Variants in FAM185A observed in about 807,000 individuals in gnomAD.
FAM185A encodes family with sequence similarity 185 member A.
FAM185A carries 21 observed loss-of-function variants against 45.7 expected under a neutral mutation model. The observed-to-expected ratio is 0.46, with a 90% CI of 0.33 to 0.66. FAM185A has a LOEUF of 0.66. Among genes scored for constraint, FAM185A ranks in the 30% least tolerant of loss-of-function variants. FAM185A has a pLI of 0.03. For missense variants in FAM185A, 305 were observed against 485.4 expected (o/e 0.63, Z 3.49); for synonymous variants, 117 against 194.0 (o/e 0.60, Z 3.30).
At chr7:102,779,109 A>G (rs1258758381) in intron 6 of FAM185A, among the ~76,000 whole-genome samples, 1 of 152,168 alleles carries the variant, frequency 6.6e-6, no homozygotes, top group Non-Finnish European at 1.5e-5. Context: ...GAAAATCACT[A>G]ATTTTAACAT....
the FAM185A span, among the ~76,000 whole-genome samples, chr7:102,824,442 C>T: frequency 6.6e-6 from 1 of 152,270 alleles, no homozygotes; most frequent in African/African-American, 2.4e-5. Context: ...TCATTCCTAT[C>T]CCCATTAACA....
At position 102,755,411 on chromosome 7, in the gene FAM185A, G is replaced by A. The variant is rs1487530284; in HGVS notation, c.562-2443G>A. 21 of 598,674 alleles carry A rather than the reference G, an allele frequency of 3.5e-5. No individual in the cohort carries two copies. In the East Asian group the frequency reaches 5.9e-4, roughly 17 times the overall value. 37.1% of individuals were successfully genotyped at this position (598,674 alleles called of 1,614,324 possible). On this transcript the variant is annotated intron_variant, in intron 2 of 7. Coordinates refer to ENST00000413034, the MANE Select transcript of FAM185A (RefSeq NM_001145268.2). ...AACCAGTTCACCCAGGCCCTGGAAG[G>A]CCAAACAGCTACTCAGCTGCTTAAG... is the stretch of plus-strand genomic sequence containing the variant.
chr7:102,789,990 AAC>A (rs1268269646), intron 7 of FAM185A, among the ~76,000 whole-genome samples: 2 of 152,334 alleles, frequency 1.3e-5, no homozygotes, highest in South Asian at 2.1e-4. Context: ...CAGGGGAAAT[AAC>A]ACACGTGGAG....
At chr7:102,786,517 T>C (rs924179078) in intron 6 of FAM185A, among the ~76,000 whole-genome samples, 12 of 152,250 alleles carry the variant, frequency 7.9e-5, no homozygotes, top group Admixed American at 3.9e-4. Flanking sequence ...GATGAGTTCA[T>C]GTCCTTCGTA....
At chr7:102,775,744 T>G (rs1333287000) in intron 5 of FAM185A, among the ~76,000 whole-genome samples, 2 of 152,162 alleles carry the variant, frequency 1.3e-5, no homozygotes, top group Non-Finnish European at 2.9e-5. Flanking sequence ...AATACACACC[T>G]TGTGTATTAC....
intron 7 of FAM185A, among the ~76,000 whole-genome samples, chr7:102,801,592 T>C (rs1174137106): frequency 6.6e-5 from 10 of 152,164 alleles, no homozygotes; most frequent in African/African-American, 2.2e-4. Context: ...GTAGCTATTA[T>C]ATCAGAAAAA....
At chr7:102,838,591 C>A in the FAM185A span, among the ~76,000 whole-genome samples, 1 of 152,084 alleles carries the variant, frequency 6.6e-6, no homozygotes, top group Non-Finnish European at 1.5e-5. Context: ...GACCTGTACC[C>A]TGAACAATTG....
chr7:102,803,127 A>G (rs1287308214), intron 7 of FAM185A, among the ~76,000 whole-genome samples: 2 of 152,264 alleles, frequency 1.3e-5, no homozygotes, highest in Middle Eastern at 3.4e-3. Flanking sequence ...TACCAATCCT[A>G]TTGACACTAT....
intron 6 of FAM185A, among the ~76,000 whole-genome samples, chr7:102,786,324 T>C (rs1385997451): frequency 2.0e-5 from 3 of 152,228 alleles, no homozygotes; most frequent in Admixed American, 6.5e-5. Context: ...AGCAATCCCA[T>C]TACTGGGTAT....
the FAM185A span, among the ~76,000 whole-genome samples, chr7:102,831,012 G>A: frequency 1.3e-5 from 2 of 152,116 alleles, no homozygotes; most frequent in African/African-American, 4.8e-5. Context: ...TCTATTGTAA[G>A]CTTCAATGAA....
the FAM185A span, among the ~76,000 whole-genome samples, chr7:102,817,439 C>T: frequency 6.6e-6 from 1 of 152,094 alleles, no homozygotes; most frequent in Non-Finnish European, 1.5e-5. Context: ...TTTTTGCCCA[C>T]TTTTTAATGG....
At chr7:102,771,988 A>G (rs2129436523) in intron 4 of FAM185A, among the ~76,000 whole-genome samples, 1 of 150,316 alleles carries the variant, frequency 6.7e-6, no homozygotes. Context: ...GGCCTGAAAA[A>G]TAAAAGTAAT....
intron 2 of FAM185A, chr7:102,755,275 G>T: frequency 3.8e-6 from 2 of 524,830 alleles, no homozygotes; most frequent in African/African-American, 3.9e-5. Flanking sequence ...CATTGGACAG[G>T]ACATCCAGCC....
chr7:102,842,215 T>G, the FAM185A span, among the ~76,000 whole-genome samples: 3 of 152,234 alleles, frequency 2.0e-5, no homozygotes, highest in Non-Finnish European at 4.4e-5. Flanking sequence ...AAAGTCATTT[T>G]GGAAAGGAGT....
chr7:102,766,986 G>T (rs60874611), intron 4 of FAM185A, among the ~76,000 whole-genome samples: 12,872 of 151,950 alleles, frequency 0.085, 618 homozygotes, highest in East Asian at 0.2. Flanking sequence ...AGTACAGACA[G>T]GGTTTCACCA....
chr7:102,774,033 TTA>T (rs1424209027), intron 5 of FAM185A, among the ~76,000 whole-genome samples: 2 of 152,088 alleles, frequency 1.3e-5, no homozygotes, highest in African/African-American at 4.8e-5. Context: ...ACAGTTTTGA[TTA>T]TGTTTGGGAT....
chr7:102,766,599 G>A (rs1370110816), intron 4 of FAM185A, among the ~76,000 whole-genome samples: 1 of 141,232 alleles, frequency 7.1e-6, no homozygotes, highest in Non-Finnish European at 1.5e-5. Context: ...TAGAAAGTCA[G>A]AAATAATATA....
chr7:102,808,537 G>A lies in FAM185A; in HGVS notation c.*135G>A. ...GAATACTGGTGAACTGTTTTGGGAG[G>A]CTTTTTCAAAATTTGTGCTTTGCTA... On this transcript the variant is annotated 3_prime_UTR_variant, in exon 8 of 8. Transcript: ENST00000413034. 1.6e-6 allele frequency: 1 copy of A among 635,592 alleles called. No homozygotes were observed. The highest frequency in any genetic ancestry group is 2.8e-5 in the East Asian group (1 of 36,008). 39.4% of individuals were successfully genotyped at this position (635,592 alleles called of 1,614,324 possible). A position where few individuals can be genotyped will look rare whatever the true frequency, so the allele number is the denominator to read the frequency against.
At chr7:102,791,428 A>G (rs1258796576) in intron 7 of FAM185A, among the ~76,000 whole-genome samples, 1 of 152,300 alleles carries the variant, frequency 6.6e-6, no homozygotes, top group African/African-American at 2.4e-5. Context: ...GAATATAAAG[A>G]CGAATGAATG....
Sources: allele counts gnomAD v4.1 joint callset (sites outside exome capture counted in the v4.1 genomes callset), GRCh38; gene constraint gnomAD v4.1.1; transcripts MANE v1.5; gene names NCBI Gene and HGNC (gene_info 2026-07-23, HGNC 2026-07-21).